The following NOTCH3 variants were observed in gnomAD, a reference collection of about 807,000 sequenced individuals.
The protein encoded by NOTCH3 is notch receptor 3, also known as neurogenic locus notch homolog protein 3.
Under a neutral mutation model 213.3 loss-of-function variants are expected in NOTCH3, and 86 were observed. The ratio of observed to expected loss-of-function variants is 0.40; its 90% CI spans 0.34 to 0.48. The LOEUF (loss-of-function observed/expected upper bound fraction) is 0.48, where lower values mean the gene tolerates loss of function less well. NOTCH3 is among the 20% of genes least tolerant of loss of function. NOTCH3 has a pLI of 0.57. For synonymous variants in NOTCH3, 1,354 were observed against 1,355.9 expected, an observed-to-expected ratio of 1.00 and a Z score of 0.03; for missense variants, 2,783 against 3,272.6, an observed-to-expected ratio of 0.85 and a Z score of 3.65.
At position 15,160,431 on chromosome 19, in the gene NOTCH3, C is replaced by T; in HGVS notation, c.*231G>A. 1.7e-6 allele frequency: 1 copy of T among 580,230 alleles called. No individual in the cohort carries two copies. Among genetic ancestry groups the T allele is most frequent in the Non-Finnish European group, 3.1e-6 (1 of 325,148 alleles). The allele number at this position is 580,230 out of a possible 1,614,324, so 35.9% of individuals were successfully genotyped here. On this transcript the variant is annotated 3_prime_UTR_variant, in exon 33 of 33. Coordinates refer to ENST00000263388, the MANE Select transcript of NOTCH3 (RefSeq NM_000435.3). ...AAGTGGGGAAGAAGGAGGTCCCAGACTCTTCACAAGACTGAGAGGGTGGGT... is the reference window on the plus strand; with the variant it reads ...AAGTGGGGAAGAAGGAGGTCCCAGATTCTTCACAAGACTGAGAGGGTGGGT...
chr19:15,171,874 T>C (rs547382388), intron 25 of NOTCH3, among the ~76,000 whole-genome samples: 162 of 151,832 alleles, frequency 1.1e-3, no homozygotes, highest in Non-Finnish European at 1.9e-3. Flanking sequence ...TTCACCGTGT[T>C]GGCCAGGACA....
chr19:15,167,035 CTT>C (rs1466674918), intron 29 of NOTCH3, among the ~76,000 whole-genome samples: 1 of 152,204 alleles, frequency 6.6e-6, no homozygotes, highest in African/African-American at 2.4e-5. Flanking sequence ...AAATGTGCCA[CTT>C]TTAGTTAAAT....
At chr19:15,188,128 G>A in intron 9 of NOTCH3, 107 bp downstream of exon 9, 1 of 1,061,394 alleles carries the variant, frequency 9.4e-7, no homozygotes. Flanking sequence ...ATAACATATG[G>A]TTTCTATTGT....
At chr19:15,191,921 C>A in intron 4 of NOTCH3, 39 bp downstream of exon 4, 3 of 1,613,738 alleles carry the variant, frequency 1.9e-6, no homozygotes, top group East Asian at 2.2e-5. Context: ...GCTGTCCCCA[C>A]GCCCACCCCT....
chr19:15,180,057 G>A lies in NOTCH3; in HGVS notation c.3327+15C>T. On this transcript the variant is annotated intron_variant, in intron 20 of 32. Coordinates refer to ENST00000263388, the MANE Select transcript of NOTCH3 (RefSeq NM_000435.3). The stretch of plus-strand genomic sequence containing the variant: ...GCCCACCTCCTCTTCCCTCTCCTGG[G>A]GAGCGCCCCCTTACCTCACACATGT... 6.3e-7 allele frequency: 1 copy of A among 1,583,480 alleles called. No homozygotes were observed. The highest frequency in any genetic ancestry group is 1.1e-5 in the South Asian group (1 of 90,462).
At position 15,161,631 on chromosome 19, in the gene NOTCH3, C is replaced by T. The variant is rs777907782; in HGVS notation, c.5997G>A (p.Glu1999=). The change falls in exon 33 of 33, where the codon GAG becomes GAA. Residue 1999 remains glutamate (E), a synonymous_variant. Coordinates refer to ENST00000263388, the MANE Select transcript of NOTCH3 (RefSeq NM_000435.3). ...KLLLDHFANR[E]ITDHLDRLPR... is the part of the protein sequence containing the mutation. ...GCAGCCTGTCCAGGTGGTCGGTGAT[C>T]TCACGGTTGGCAAAGTGGTCCAACA... 1.9e-6 allele frequency: 3 copies of T among 1,613,732 alleles called. No homozygotes were observed. The highest frequency in any genetic ancestry group is 2.5e-6 in the Non-Finnish European group (3 of 1,179,862).
intron 9 of NOTCH3, 82 bp from the exon 10 acceptor site, chr19:15,188,076 G>T (rs563130147): frequency 8.5e-7 from 1 of 1,178,170 alleles, no homozygotes; most frequent in Non-Finnish European, 1.2e-6. Context: ...TGTTTGGGTG[G>T]AAAAACCCAT....
At position 15,185,053 on chromosome 19, in the gene NOTCH3, G is replaced by C. The variant is rs1314741530; in HGVS notation, c.2297-34C>G. The C allele has an allele frequency of 3.0e-6, 4 of 1,319,568 alleles. No individual in the cohort carries two copies. Among genetic ancestry groups the C allele is most frequent in the East Asian group, 5.1e-5 (2 of 39,496 alleles). 81.7% of individuals were successfully genotyped at this position (1,319,568 alleles called of 1,614,324 possible). A position where few individuals can be genotyped will look rare whatever the true frequency, so the allele number is the denominator to read the frequency against. The stretch of plus-strand genomic sequence containing the variant: ...GGTGGAAGAGAGGGAAGCAGAGATA[G>C]CCTTGAGGGACTCCCTGATCCCATC... On this transcript the variant is annotated intron_variant, in intron 14 of 32. Transcript: ENST00000263388. This position sits in a 1 kb window ranked among gnomAD's most constrained non-coding sequence, Gnocchi z 4.2.
intron 29 of NOTCH3, 109 bp from the exon 30 acceptor site, chr19:15,166,200 A>G: frequency 1.1e-6 from 1 of 896,994 alleles, no homozygotes; most frequent in Admixed American, 2.0e-5. Context: ...AAAAATGACA[A>G]TTAGCAGATC....
chr19:15,181,020 C>T lies in NOTCH3; in HGVS notation c.2935G>A (p.Ala979Thr), dbSNP rs1286854173. The T allele has an allele frequency of 1.1e-5, 18 of 1,598,470 alleles. No homozygotes were observed. In the Admixed American group the frequency reaches 2.9e-4, roughly 26 times the overall value. Residue 979 changes from alanine to threonine, a missense_variant, in exon 18 of 33, where the codon GCC becomes ACC. This residue lies in a region of NOTCH3 where 861 missense variants were observed against 909.1 expected (regional missense o/e 0.95). Coordinates refer to ENST00000263388, the MANE Select transcript of NOTCH3 (RefSeq NM_000435.3). ...RPCLHGGVCSAAHPGFRCTCL... is the reference protein window; with the variant it reads ...RPCLHGGVCSTAHPGFRCTCL... ...GTGCAGCGGAAGCCAGGGTGGGCGG[C>T]GCTGCAGACGCCCCCGTGTAGGCAG...
In NOTCH3 at chr19:15,161,294, C is replaced by T. The variant is rs372833545; in HGVS notation, c.6334G>A (p.Gly2112Ser). The T allele has an allele frequency of 6.5e-5, 99 of 1,531,638 alleles. No individual in the cohort carries two copies. Among genetic ancestry groups the T allele is most frequent in the East Asian group, 1.9e-4 (8 of 42,828 alleles). 94.9% of individuals were successfully genotyped at this position (1,531,638 alleles called of 1,614,324 possible). A position where few individuals can be genotyped will look rare whatever the true frequency, so the allele number is the denominator to read the frequency against. ...CCACCAGGGGAAGCAGGGGGCCCAC[C>T]GAAAGGCCGCGGGGAGTCCAGCGAG... ...VDSLDSPRPFGGPPASPGGFP... is the reference protein window; with the variant it reads ...VDSLDSPRPFSGPPASPGGFP... Residue 2112 changes from glycine (G) to serine (S), a missense_variant, in exon 33 of 33, where the codon GGT becomes AGT. By Grantham distance (56) the Gly-to-Ser change is moderately conservative. This residue lies in a region of NOTCH3 where 441 missense variants were observed against 432.1 expected (regional missense o/e 1.02). Coordinates refer to ENST00000263388, the MANE Select transcript of NOTCH3 (RefSeq NM_000435.3).
At chr19:15,173,898 C>T (rs1192547678) in intron 25 of NOTCH3, among the ~76,000 whole-genome samples, 170 bp downstream of exon 25, 1 of 152,216 alleles carries the variant, frequency 6.6e-6, no homozygotes, top group Non-Finnish European at 1.5e-5. Flanking sequence ...AATTCTACCC[C>T]AGAAGCACTA....
At position 15,197,564 on chromosome 19, in the gene NOTCH3, C is replaced by T. The variant is rs142031490; in HGVS notation, c.133G>A (p.Asp45Asn). 1.2e-6 allele frequency: 2 copies of T among 1,611,474 alleles called. No homozygotes were observed. The highest frequency in any genetic ancestry group is 8.5e-7 in the Non-Finnish European group (1 of 1,179,778). ...GPGAAAPPCL[D>N]GSPCANGGRC... Reference sequence around the variant, plus strand: ...CCTCCATTTGCACACGGGCTTCCGTCCAGGCAAGGGGGGGCTGTGTGGGGG... The same window carrying T: ...CCTCCATTTGCACACGGGCTTCCGTTCAGGCAAGGGGGGGCTGTGTGGGGG... Residue 45 changes from aspartate (D) to asparagine (N), a missense_variant, in exon 2 of 33, where the codon GAC becomes AAC. Transcript: ENST00000263388.
chr19:15,163,067 C>A (rs1219135992), intron 31 of NOTCH3, among the ~76,000 whole-genome samples: 1 of 152,098 alleles, frequency 6.6e-6, no homozygotes, highest in Non-Finnish European at 1.5e-5. Context: ...CCATGCCCAG[C>A]TGATTTTTTG....
In NOTCH3 at chr19:15,181,609, T is replaced by C. The variant is rs749357628; in HGVS notation, c.2759A>G (p.His920Arg). ...CTCPPGYGGF[H>R]CEQDLPDCSP... is the part of the protein sequence containing the mutation. ...GCAGTCGGGCAGGTCCTGTTCGCAG[T>C]GGAAGCCTCCGTAGCCTGGCGGGCA... The change falls in exon 17 of 33, where the codon CAC becomes CGC. Residue 920 changes from histidine to arginine, a missense_variant. By Grantham distance (29) the His-to-Arg change is conservative. Coordinates refer to ENST00000263388, the MANE Select transcript of NOTCH3 (RefSeq NM_000435.3). 2 of 1,550,702 alleles carry C rather than the reference T, an allele frequency of 1.3e-6. No individual in the cohort carries two copies. Among genetic ancestry groups the C allele is most frequent in the South Asian group, 2.4e-5 (2 of 84,062 alleles).
At chr19:15,167,150 G>A (rs1296492131) in intron 29 of NOTCH3, 99 bp downstream of exon 29, 1 of 1,322,196 alleles carries the variant, frequency 7.6e-7, no homozygotes, top group Non-Finnish European at 1.1e-6. Context: ...CAGAAGCTTA[G>A]AGACTCCCCC....
Position 15,184,983 on chromosome 19 carries a change from T to C in NOTCH3, c.2333A>G (p.Asn778Ser), listed in dbSNP as rs1385370601. Residue 778 changes from asparagine (N) to serine (S), a missense_variant, in exon 15 of 33, where the codon AAC becomes AGC. Transcript: ENST00000263388. ...GCAGCGGCCCCCATGCTCACAGGGG[T>C]TCGGGGTGCAGGGGGAGAGGAGTTC... ...QCELLSPCTPNPCEHGGRCES... is the reference protein window; with the variant it reads ...QCELLSPCTPSPCEHGGRCES... 1 of 1,541,270 alleles carries C rather than the reference T, an allele frequency of 6.5e-7. No individual in the cohort carries two copies. The highest frequency in any genetic ancestry group is 1.2e-5 in the South Asian group (1 of 82,978).
intron 26 of NOTCH3, 35 bp from the exon 27 acceptor site, chr19:15,170,588 G>A (rs763979028): frequency 3.3e-5 from 53 of 1,594,916 alleles, no homozygotes; most frequent in South Asian, 4.5e-5. Flanking sequence ...GGCTTCAGCC[G>A]AGGGCGGGGC....
intron 24 of NOTCH3, among the ~76,000 whole-genome samples, chr19:15,175,900 G>T (rs1161682990): frequency 6.6e-6 from 1 of 151,466 alleles, no homozygotes; most frequent in Non-Finnish European, 1.5e-5. Context: ...AGAAGATGAG[G>T]ATGTGGAGAT....
Sources: allele counts gnomAD v4.1 joint callset (sites outside exome capture counted in the v4.1 genomes callset), GRCh38; gene constraint gnomAD v4.1.1; regional missense constraint gnomAD v4.1.1; non-coding constraint Gnocchi (gnomAD v3.1); transcripts MANE v1.5; gene names NCBI Gene and HGNC (gene_info 2026-07-23, HGNC 2026-07-21).